The following MGRN1 variants were observed in gnomAD, a reference collection of about 807,000 sequenced individuals.
MGRN1 encodes the protein E3 ubiquitin-protein ligase MGRN1.
A neutral mutation model predicts 69.2 loss-of-function variants in MGRN1; 29 were observed. The ratio of observed to expected loss-of-function variants is 0.42; its 90% CI spans 0.31 to 0.57. The LOEUF is 0.57. Ranked by LOEUF, MGRN1 falls within the 20% of genes least tolerant of loss-of-function variation. The pLI, the probability that MGRN1 is intolerant of heterozygous loss-of-function variation, is 0.15. For synonymous variants in MGRN1, 470 were observed against 344.2 expected (o/e 1.37, Z -4.04); for missense variants, 998 against 796.2 (o/e 1.25, Z -3.05).
At chr16:4,655,720 C>G (rs2141893794) in intron 4 of MGRN1, among the ~76,000 whole-genome samples, 1 of 152,308 alleles carries the variant, frequency 6.6e-6, no homozygotes, top group African/African-American at 2.4e-5. Context: ...AGAAAAGGAC[C>G]TGGAGGCTCC....
At position 4,664,794 on chromosome 16, in the gene MGRN1, G is replaced by A. The variant is rs753330186; in HGVS notation, c.628+19G>A. On this transcript the variant is annotated intron_variant, in intron 6 of 16. Coordinates refer to ENST00000262370, the MANE Select transcript of MGRN1 (RefSeq NM_015246.4). ...GGAGATGGTGAGTGCGTCCTCTTCCGTCCTCCTGGGCGTGCAGGCCGTGCA... is the reference window on the plus strand; with the variant it reads ...GGAGATGGTGAGTGCGTCCTCTTCCATCCTCCTGGGCGTGCAGGCCGTGCA... The A allele has an allele frequency of 3.9e-5, 63 of 1,613,740 alleles. No individual in the cohort carries two copies. The highest frequency in any genetic ancestry group is 5.2e-5 in the Non-Finnish European group (61 of 1,179,718).
intron 5 of MGRN1, 26 bp downstream of exon 5, chr16:4,657,389 C>T (rs1354580421): frequency 2.5e-6 from 4 of 1,595,090 alleles, no homozygotes; most frequent in African/African-American, 2.7e-5. Context: ...CGGCTCCTTG[C>T]CCTTCGCTCC....
At chr16:4,674,317 C>G (rs533684959) in intron 10 of MGRN1, among the ~76,000 whole-genome samples, 2 of 151,704 alleles carry the variant, frequency 1.3e-5, no homozygotes, top group African/African-American at 2.4e-5. Context: ...GAGATAGAGT[C>G]TCGCTCTGTC....
chr16:4,676,473 G>A (rs1367534947), intron 10 of MGRN1, among the ~76,000 whole-genome samples: 7 of 152,278 alleles, frequency 4.6e-5, no homozygotes, highest in South Asian at 4.1e-4. Flanking sequence ...TCAGTGGGTC[G>A]GGGCCATCAG....
intron 1 of MGRN1, among the ~76,000 whole-genome samples, chr16:4,626,269 C>G (rs1897673936): frequency 6.6e-6 from 1 of 152,208 alleles, no homozygotes; most frequent in Non-Finnish European, 1.5e-5. Flanking sequence ...CTGGGGAGAG[C>G]ACAGCTGTAT....
At chr16:4,657,095 C>T (rs1390272932) in intron 4 of MGRN1, 151 bp from the exon 5 acceptor site, 7 of 704,534 alleles carry the variant, frequency 9.9e-6, no homozygotes, top group African/African-American at 1.8e-5. Flanking sequence ...GTGAGGGCCA[C>T]GTGGCCATGT....
intron 5 of MGRN1, among the ~76,000 whole-genome samples, chr16:4,662,577 T>C (rs2078707508): frequency 6.6e-6 from 1 of 151,984 alleles, no homozygotes. Context: ...CCACAGGCAG[T>C]GTCTCTGTGC....
Position 4,645,104 on chromosome 16 carries a change from T to C in MGRN1, c.89-5261T>C, listed in dbSNP as rs114526080. ...ATTTGTTTCTCTGAAGTTATTTATA[T>C]GTATATATGCGTGTGCATATATATA... On this transcript the variant is annotated intron_variant, in intron 1 of 16. Transcript: ENST00000262370. 3.1e-3 allele frequency among the ~76,000 whole-genome samples: 462 copies of C among 149,596 alleles called. 1 individual carries two copies. The highest frequency in any genetic ancestry group is 0.011 in the African/African-American group (441 of 40,484).
At chr16:4,649,560 A>T (rs567082904) in intron 1 of MGRN1, 2 of 152,184 alleles carry the variant, frequency 1.3e-5, no homozygotes, top group Admixed American at 6.5e-5. Context: ...TCTGCGTCCA[A>T]ACCTCCCTCT....
rs1897586155 is a variant in MGRN1, at chr16:4,624,899, C to T, written c.-62C>T. ...GGTCCGGGCCATGTCCGCGTGAGGA[C>T]CCCGCCGCTGTCGCCGCTCCCGTTC... On this transcript the variant is annotated 5_prime_UTR_variant, in exon 1 of 17. Transcript: ENST00000262370. The T allele has an allele frequency of 1.4e-6, 2 of 1,421,200 alleles. No homozygotes were observed. The highest frequency in any genetic ancestry group is 2.5e-5 in the Admixed American group (1 of 39,996). The allele number at this position is 1,421,200 out of a possible 1,614,324, so 88.0% of individuals were successfully genotyped here. A position where few individuals can be genotyped will look rare whatever the true frequency, so the allele number is the denominator to read the frequency against.
intron 5 of MGRN1, among the ~76,000 whole-genome samples, chr16:4,660,527 G>C (rs1204678621): frequency 1.3e-5 from 2 of 152,262 alleles, no homozygotes; most frequent in Non-Finnish European, 2.9e-5. Flanking sequence ...TCAGAGCACA[G>C]AGCGGCCCAC....
rs56053584 is a variant in MGRN1, at chr16:4,689,767, CTTT to C, written c.*872_*874del. 11 of 141,406 alleles carry C rather than the reference CTTT, an allele frequency of 7.8e-5. No homozygotes were observed. The highest frequency in any genetic ancestry group is 2.1e-4 in the East Asian group (1 of 4,810). 8.8% of individuals were successfully genotyped at this position (141,406 alleles called of 1,614,324 possible). A position where few individuals can be genotyped will look rare whatever the true frequency, so the allele number is the denominator to read the frequency against. The stretch of plus-strand genomic sequence containing the variant: ...GAATGTCCCCTTGCAGTTCTCTTCT[CTTT>C]TTTTTTTTTTTTGAGATGGAGTTTC... On this transcript the variant is annotated 3_prime_UTR_variant, in exon 17 of 17. Coordinates refer to ENST00000262370, the MANE Select transcript of MGRN1 (RefSeq NM_015246.4).
At chr16:4,670,198 G>C (rs899232262) in intron 8 of MGRN1, among the ~76,000 whole-genome samples, 1 of 152,048 alleles carries the variant, frequency 6.6e-6, no homozygotes, top group African/African-American at 2.4e-5. Flanking sequence ...AAGTAGCTGG[G>C]ACTGCAGGTG....
At chr16:4,687,674 C>G (rs2079363084) in intron 16 of MGRN1, 1 of 985,338 alleles carries the variant, frequency 1.0e-6, no homozygotes, top group Non-Finnish European at 1.2e-6. Flanking sequence ...TGGGGACCCT[C>G]TGCCTTCCCA....
At chr16:4,657,415 C>T (rs1270159333) in intron 5 of MGRN1, 52 bp downstream of exon 5, 2 of 1,552,682 alleles carry the variant, frequency 1.3e-6, no homozygotes, top group Non-Finnish European at 1.8e-6. Flanking sequence ...AATTCTCTCC[C>T]CTTGGGGGTG....
intron 16 of MGRN1, chr16:4,687,151 C>T: frequency 1.0e-6 from 1 of 985,422 alleles, no homozygotes; most frequent in Non-Finnish European, 1.2e-6. Flanking sequence ...AGTACTGGAA[C>T]CTTCTGGAAC....
At chr16:4,665,195 G>C (rs771451011) in intron 7 of MGRN1, 44 bp downstream of exon 7, 1 of 1,608,378 alleles carries the variant, frequency 6.2e-7, no homozygotes. Flanking sequence ...CCTGGGAGCT[G>C]GGCAGGGGGT....
intron 1 of MGRN1, among the ~76,000 whole-genome samples, chr16:4,627,186 C>T (rs1042316878): frequency 6.6e-6 from 1 of 152,180 alleles, no homozygotes; most frequent in African/African-American, 2.4e-5. Flanking sequence ...TTAGGGGTTG[C>T]CCCCATGGAC....
At chr16:4,663,394 A>G (rs1310305739) in intron 5 of MGRN1, among the ~76,000 whole-genome samples, 1 of 29,564 alleles carries the variant, frequency 3.4e-5, no homozygotes, top group Non-Finnish European at 7.8e-5. Context: ...TTTTTTTTAC[A>G]CCTTTATTGT....
Sources: allele counts gnomAD v4.1 joint callset (sites outside exome capture counted in the v4.1 genomes callset), GRCh38; gene constraint gnomAD v4.1.1; transcripts MANE v1.5; gene names NCBI Gene and HGNC (gene_info 2026-07-23, HGNC 2026-07-21).